SPAG16: variants seen among roughly 807,000 people sequenced by gnomAD.
SPAG16 encodes sperm associated antigen 16.
In SPAG16, 86 loss-of-function variants were observed where a neutral mutation model predicts 80.4. The observed-to-expected ratio is 1.07, with a 90% CI of 0.90 to 1.28. The LOEUF (loss-of-function observed/expected upper bound fraction) is 1.28. Among genes scored for constraint, SPAG16 ranks in the 50% most tolerant of loss-of-function variants. SPAG16 has a pLI of 0.00. For missense variants in SPAG16, 870 were observed against 765.3 expected, an observed-to-expected ratio of 1.14 and a Z score of -1.61; for synonymous variants, 294 against 265.9, an observed-to-expected ratio of 1.11 and a Z score of -1.03.
intron 10 of SPAG16, among the ~76,000 whole-genome samples, chr2:213,698,766 T>C (rs766151277): frequency 7.2e-5 from 11 of 152,208 alleles, no homozygotes; most frequent in Non-Finnish European, 1.2e-4. Context: ...GGCACACTCA[T>C]GTCCGACTGC....
At chr2:214,277,129 C>G (rs576773286) in intron 15 of SPAG16, among the ~76,000 whole-genome samples, 1 of 152,102 alleles carries the variant, frequency 6.6e-6, no homozygotes, top group African/African-American at 2.4e-5. Context: ...CCATGGTTTT[C>G]AGCTCCATCA....
At chr2:213,466,379 T>C (rs1559160384) in intron 9 of SPAG16, among the ~76,000 whole-genome samples, 1 of 152,228 alleles carries the variant, frequency 6.6e-6, no homozygotes, top group Non-Finnish European at 1.5e-5. Context: ...CTTGTTTCAA[T>C]TGGTGAAAGG....
intron 15 of SPAG16, among the ~76,000 whole-genome samples, chr2:214,256,038 A>C (rs150398028): frequency 1.3e-5 from 2 of 152,072 alleles, no homozygotes; most frequent in Non-Finnish European, 2.9e-5. Flanking sequence ...AACTTTTCTC[A>C]TAATAAGGAT....
intron 10 of SPAG16, among the ~76,000 whole-genome samples, chr2:213,595,659 C>T (rs1218281014): frequency 6.6e-6 from 1 of 151,976 alleles, no homozygotes; most frequent in Non-Finnish European, 1.5e-5. Flanking sequence ...TGTTTGGAGA[C>T]ATTAAATAAA....
At chr2:214,077,992 C>A (rs748689060) in intron 13 of SPAG16, among the ~76,000 whole-genome samples, 1 of 152,132 alleles carries the variant, frequency 6.6e-6, no homozygotes, top group East Asian at 1.9e-4. Flanking sequence ...TTAAGTAAAG[C>A]GTTTGCACAT....
At chr2:213,924,002 C>G (rs1360152689) in intron 11 of SPAG16, 2 of 152,038 alleles carry the variant, frequency 1.3e-5, no homozygotes, top group African/African-American at 4.8e-5. Flanking sequence ...GCTGGAAGCT[C>G]TAGTAAGCAT....
At chr2:213,794,961 T>C (rs2070931999) in intron 10 of SPAG16, among the ~76,000 whole-genome samples, 1 of 152,290 alleles carries the variant, frequency 6.6e-6, no homozygotes, top group Middle Eastern at 3.4e-3. Context: ...TGTTAATTTA[T>C]TCTCTACTGG....
intron 9 of SPAG16, among the ~76,000 whole-genome samples, chr2:213,488,543 A>G (rs980761751): frequency 1.3e-5 from 2 of 152,192 alleles, no homozygotes; most frequent in Non-Finnish European, 2.9e-5. Flanking sequence ...CATTCCTTCA[A>G]AACAGACTAA....
intron 13 of SPAG16, among the ~76,000 whole-genome samples, chr2:214,099,945 A>G (rs975590822): frequency 6.6e-6 from 1 of 152,030 alleles, no homozygotes; most frequent in African/African-American, 2.4e-5. Context: ...TATGTAAATT[A>G]TATGTCACTG....
intron 10 of SPAG16, among the ~76,000 whole-genome samples, chr2:213,492,969 C>T (rs2074331746): frequency 6.6e-6 from 1 of 152,050 alleles, no homozygotes; most frequent in Admixed American, 6.6e-5. Context: ...CTCGTTTCTC[C>T]TTCTCTGTCA....
chr2:213,336,677 G>T (rs144266929), intron 5 of SPAG16, among the ~76,000 whole-genome samples: 1 of 152,284 alleles, frequency 6.6e-6, no homozygotes, highest in Non-Finnish European at 1.5e-5. Flanking sequence ...CTCACTGGGT[G>T]AGGCCTCTCT....
chr2:213,751,513 C>T (rs2125488607), intron 10 of SPAG16, among the ~76,000 whole-genome samples: 1 of 152,272 alleles, frequency 6.6e-6, no homozygotes, highest in East Asian at 1.9e-4. Context: ...AGGTTCTCTC[C>T]ATCGTTTCCT....
intron 4 of SPAG16, among the ~76,000 whole-genome samples, 171 bp from the exon 5 acceptor site, chr2:213,317,048 C>A (rs1307052378): frequency 6.6e-6 from 1 of 152,044 alleles, no homozygotes; most frequent in Non-Finnish European, 1.5e-5. Flanking sequence ...ACCTAGAAGT[C>A]ATATTTTATT....
chr2:213,587,227 T>C (rs1202593587), intron 10 of SPAG16, among the ~76,000 whole-genome samples: 1 of 152,158 alleles, frequency 6.6e-6, no homozygotes, highest in East Asian at 1.9e-4. Context: ...CTTCTAAATC[T>C]AGATAGAAGC....
intron 14 of SPAG16, among the ~76,000 whole-genome samples, chr2:214,132,003 T>C (rs910670688): frequency 1.3e-5 from 2 of 152,130 alleles, no homozygotes; most frequent in Non-Finnish European, 2.9e-5. Flanking sequence ...TGGTGGCAGA[T>C]ATTGCTAGTG....
At chr2:214,165,916 A>C (rs1325674692) in intron 15 of SPAG16, among the ~76,000 whole-genome samples, 1 of 152,124 alleles carries the variant, frequency 6.6e-6, no homozygotes, top group African/African-American at 2.4e-5. Context: ...TGTTAAAATA[A>C]AGAGGGCATT....
intron 10 of SPAG16, among the ~76,000 whole-genome samples, chr2:213,567,308 T>C (rs1035590119): frequency 7.1e-6 from 1 of 140,388 alleles, no homozygotes; most frequent in African/African-American, 2.7e-5. Context: ...TGTATACATG[T>C]GCCATGCTGG....
chr2:213,773,628 T>C (rs1163049461), intron 10 of SPAG16, among the ~76,000 whole-genome samples: 15 of 152,260 alleles, frequency 9.9e-5, no homozygotes, highest in Admixed American at 6.5e-4. Context: ...GATCTCGGCT[T>C]ACTGCAACCT....
At chr2:213,471,750 G>A (rs775010574) in intron 9 of SPAG16, among the ~76,000 whole-genome samples, 1 of 152,144 alleles carries the variant, frequency 6.6e-6, no homozygotes, top group Non-Finnish European at 1.5e-5. Flanking sequence ...CTCAAAACTG[G>A]CAGCCTTTTG....
Sources: gnomAD v4.1 joint callset for allele counts (sites outside exome capture counted in the v4.1 genomes callset) on GRCh38, gnomAD v4.1.1 for gene constraint, MANE v1.5 for transcripts, NCBI Gene and HGNC (gene_info 2026-07-23, HGNC 2026-07-21) for gene names.